VAT1L: variants seen among roughly 807,000 people sequenced by gnomAD.
VAT1L encodes the protein vesicle amine transport 1 like, also known as putative NADPH-dependent quinone oxidoreductase VAT1L.
A neutral mutation model predicts 44.1 loss-of-function variants in VAT1L; 34 were observed. The observed-to-expected ratio is 0.77, with a 90% CI of 0.59 to 1.03. The LOEUF is 1.03. Among genes scored for constraint, VAT1L ranks in the 50% least tolerant of loss-of-function variants. VAT1L has a pLI of 0.00. For missense variants in VAT1L, 615 were observed against 538.8 expected (o/e 1.14, Z -1.40); for synonymous variants, 253 against 202.2 (o/e 1.25, Z -2.13).
At chr16:77,969,538 C>T (rs116587679) in intron 7 of VAT1L, among the ~76,000 whole-genome samples, 2,132 of 152,154 alleles carry the variant, frequency 0.014, 53 homozygotes, top group African/African-American at 0.049. Context: ...CATAGGGCAG[C>T]TCACAACATG....
chr16:77,857,169 C>A (rs928212278), intron 3 of VAT1L, among the ~76,000 whole-genome samples: 16 of 152,286 alleles, frequency 1.1e-4, no homozygotes, highest in African/African-American at 3.8e-4. Flanking sequence ...GCATGCAAAT[C>A]GTCATTTACT....
chr16:77,868,518 T>C (rs1037355367), intron 4 of VAT1L, among the ~76,000 whole-genome samples: 4 of 152,134 alleles, frequency 2.6e-5, no homozygotes, highest in Admixed American at 1.3e-4. Flanking sequence ...ATGAAGTAAA[T>C]ACTGTGCTTA....
chr16:77,931,060 C>T (rs2017725928), intron 7 of VAT1L, among the ~76,000 whole-genome samples: 1 of 152,172 alleles, frequency 6.6e-6, no homozygotes, highest in African/African-American at 2.4e-5. Context: ...CAAGAGTGCA[C>T]AGCCAGTCAG....
intron 4 of VAT1L, among the ~76,000 whole-genome samples, chr16:77,872,326 T>C (rs2017041322): frequency 6.6e-6 from 1 of 152,184 alleles, no homozygotes; most frequent in African/African-American, 2.4e-5. Context: ...GGCCTCCTGA[T>C]TGCCATGGTT....
At chr16:77,815,817 A>G (rs1407031294) in intron 1 of VAT1L, among the ~76,000 whole-genome samples, 3 of 151,120 alleles carry the variant, frequency 2.0e-5, no homozygotes, top group Non-Finnish European at 4.4e-5. Flanking sequence ...AAAATACAAA[A>G]ATTAGCCAGG....
At chr16:77,956,804 C>G (rs17637504) in intron 7 of VAT1L, among the ~76,000 whole-genome samples, 41,266 of 152,186 alleles carry the variant, frequency 0.27, 7,208 homozygotes, top group Non-Finnish European at 0.38. Flanking sequence ...TATTTCCACT[C>G]TATACTTTAG....
At chr16:77,860,797 C>T (rs533287642) in intron 3 of VAT1L, among the ~76,000 whole-genome samples, 19 of 152,178 alleles carry the variant, frequency 1.2e-4, no homozygotes, top group Non-Finnish European at 2.6e-4. Context: ...ATAGCCTGTC[C>T]AGAGTCTCAG....
intron 7 of VAT1L, among the ~76,000 whole-genome samples, chr16:77,906,292 T>C (rs1415265665): frequency 1.3e-5 from 2 of 152,164 alleles, no homozygotes; most frequent in East Asian, 3.9e-4. Flanking sequence ...CTTTCAGAGC[T>C]CCTTTGGAAG....
chr16:77,813,015 A>C (rs1346593109), intron 1 of VAT1L, among the ~76,000 whole-genome samples: 1 of 152,092 alleles, frequency 6.6e-6, no homozygotes, highest in Admixed American at 6.5e-5. Flanking sequence ...AGCTGTATAA[A>C]ATTTTTACTC....
intron 6 of VAT1L, among the ~76,000 whole-genome samples, chr16:77,882,980 G>A (rs548805040): frequency 2.0e-5 from 3 of 152,086 alleles, no homozygotes; most frequent in East Asian, 1.9e-4. Flanking sequence ...TTGGTCCCCC[G>A]GCCCTCTCCG....
At chr16:77,823,879 C>G (rs946597094) in intron 2 of VAT1L, among the ~76,000 whole-genome samples, 3 of 151,980 alleles carry the variant, frequency 2.0e-5, no homozygotes, top group African/African-American at 7.3e-5. Flanking sequence ...AATAAATAAC[C>G]AGGCATTGTG....
At chr16:77,972,790 A>G (rs1444547642) in intron 8 of VAT1L, among the ~76,000 whole-genome samples, 1 of 150,470 alleles carries the variant, frequency 6.6e-6, no homozygotes, top group Non-Finnish European at 1.5e-5. Context: ...AAAAATGATA[A>G]TAATAATAAT....
intron 7 of VAT1L, among the ~76,000 whole-genome samples, chr16:77,901,326 G>A (rs891965517): frequency 1.3e-5 from 2 of 151,870 alleles, no homozygotes; most frequent in African/African-American, 4.8e-5. Context: ...ACCATGCCCG[G>A]CTAATTTTTT....
chr16:77,929,409 G>A (rs1326131201), intron 7 of VAT1L, among the ~76,000 whole-genome samples: 2 of 152,140 alleles, frequency 1.3e-5, no homozygotes, highest in Non-Finnish European at 2.9e-5. Flanking sequence ...GCCCTAGGGA[G>A]TTTCAAGACA....
chr16:77,953,780 G>T (rs1181542715), intron 7 of VAT1L, among the ~76,000 whole-genome samples: 1 of 152,096 alleles, frequency 6.6e-6, no homozygotes, highest in Admixed American at 6.6e-5. Context: ...ATGGGCATGA[G>T]CCATCTTGCC....
chr16:77,796,804 T>C (rs975564352), intron 1 of VAT1L, among the ~76,000 whole-genome samples: 1 of 152,166 alleles, frequency 6.6e-6, no homozygotes, highest in Non-Finnish European at 1.5e-5. Flanking sequence ...TTCTACAAAA[T>C]GGAATGAAAT....
intron 1 of VAT1L, among the ~76,000 whole-genome samples, chr16:77,807,930 A>G (rs1312562568): frequency 1.3e-5 from 2 of 152,066 alleles, no homozygotes; most frequent in Admixed American, 6.5e-5. Context: ...TTTGGGGAGA[A>G]CTTTCTGGAG....
intron 3 of VAT1L, among the ~76,000 whole-genome samples, chr16:77,839,535 C>CAAAAA (rs71137846): frequency 0.021 from 1,045 of 49,096 alleles, 28 homozygotes; most frequent in East Asian, 0.043. Context: ...TACTCCATAT[C>CAAAAA]AAAAAAAAAA....
chr16:77,843,129 G>T (rs2016723427), intron 3 of VAT1L, among the ~76,000 whole-genome samples: 1 of 152,204 alleles, frequency 6.6e-6, no homozygotes, highest in South Asian at 2.1e-4. Flanking sequence ...ACAAAGATAG[G>T]TCAGGAAATG....
Sources: allele counts gnomAD v4.1 joint callset (sites outside exome capture counted in the v4.1 genomes callset), GRCh38; gene constraint gnomAD v4.1.1; transcripts MANE v1.5; gene names NCBI Gene and HGNC (gene_info 2026-07-23, HGNC 2026-07-21).